P2RY12: variants seen among roughly 807,000 people sequenced by gnomAD.
P2RY12 encodes the protein purinergic receptor P2Y12.
A neutral mutation model predicts 4.5 loss-of-function variants in P2RY12; 3 were observed. The ratio of observed to expected loss-of-function variants is 0.67; its 90% CI spans 0.31 to 1.74. The LOEUF (loss-of-function observed/expected upper bound fraction) is 1.74, where lower values mean the gene tolerates loss of function less well. Ranked by LOEUF, P2RY12 falls within the 40% of genes most tolerant of loss-of-function variation. The pLI is 0.09. For synonymous variants in P2RY12, 148 were observed against 154.1 expected, an observed-to-expected ratio of 0.96 and a Z score of 0.29; for missense variants, 356 against 407.8, an observed-to-expected ratio of 0.87 and a Z score of 1.09.
In P2RY12 at chr3:151,369,384, A is replaced by G. The variant is rs1325584925; in HGVS notation, c.-180+15308T>C. 6 of 1,269,858 alleles carry G rather than the reference A, an allele frequency of 4.7e-6. No individual in the cohort carries two copies. The Admixed American group carries it at 8.2e-5, about 17-fold the overall frequency. The allele number at this position is 1,269,858 out of a possible 1,614,324, so 78.7% of individuals were successfully genotyped here. ...GGCTGACTGCCTGTAAATAATTACA[A>G]AACATTACTAATGATGGTAATGAGA... On this transcript the variant is annotated intron_variant, in intron 1 of 2. Coordinates refer to ENST00000302632, the MANE Select transcript of P2RY12 (RefSeq NM_022788.5).
chr3:151,364,854 C>A, intron 1 of P2RY12: 1 of 683,264 alleles, frequency 1.5e-6, no homozygotes, highest in Non-Finnish European at 2.6e-6. Context: ...ATTAAGAACT[C>A]ATAATGTGAA....
chr3:151,383,850 G>T (rs1317492970), intron 1 of P2RY12: 1 of 1,613,990 alleles, frequency 6.2e-7, no homozygotes, highest in Non-Finnish European at 8.5e-7. Context: ...TACTCCTTCA[G>T]ATCATTACTT....
intron 1 of P2RY12, chr3:151,377,121 G>GTAT: frequency 6.2e-7 from 1 of 1,614,022 alleles, no homozygotes; most frequent in South Asian, 1.1e-5. Flanking sequence ...AACCCAAACA[G>GTAT]TATTGGAAGT....
chr3:151,344,851 G>A (rs528657068), intron 1 of P2RY12, among the ~76,000 whole-genome samples: 40 of 152,242 alleles, frequency 2.6e-4, no homozygotes, highest in South Asian at 6.2e-4. Context: ...ATGTGAGTAA[G>A]GTGAAAGGAT....
At chr3:151,361,232 T>C (rs55751359) in intron 1 of P2RY12, among the ~76,000 whole-genome samples, 16,946 of 152,208 alleles carry the variant, frequency 0.11, 1,242 homozygotes, top group Middle Eastern at 0.17. Context: ...TGTTTACTTT[T>C]CCTCTTTTTT....
At chr3:151,364,546 A>G (rs1359831396) in intron 1 of P2RY12, among the ~76,000 whole-genome samples, 2 of 152,266 alleles carry the variant, frequency 1.3e-5, no homozygotes, top group East Asian at 3.9e-4. Flanking sequence ...CGTACACTAT[A>G]CCAGAGAAAT....
chr3:151,368,694 C>CATTTT (rs1755739027), intron 1 of P2RY12, among the ~76,000 whole-genome samples: 1 of 38,714 alleles, frequency 2.6e-5, no homozygotes, highest in Non-Finnish European at 4.8e-5. Flanking sequence ...CATTTTATTT[C>CATTTT]ATTTCATTTC....
chr3:151,348,792 C>T (rs1180191799), intron 1 of P2RY12, among the ~76,000 whole-genome samples: 1 of 152,160 alleles, frequency 6.6e-6, no homozygotes, highest in East Asian at 1.9e-4. Flanking sequence ...GAGAGAAAAA[C>T]AGGCGCTTAG....
At chr3:151,357,192 C>T (rs779322353) in intron 1 of P2RY12, 45 of 1,556,972 alleles carry the variant, frequency 2.9e-5, no homozygotes, top group Non-Finnish European at 3.8e-5. Flanking sequence ...CATGTTTATT[C>T]AGTCTTTTCT....
At chr3:151,358,922 T>C (rs530550440) in intron 1 of P2RY12, among the ~76,000 whole-genome samples, 2 of 152,320 alleles carry the variant, frequency 1.3e-5, no homozygotes, top group African/African-American at 4.8e-5. Flanking sequence ...GCTTTATAGA[T>C]AATATCAGGA....
chr3:151,340,250 C>T (rs1371250354), intron 2 of P2RY12, among the ~76,000 whole-genome samples: 1 of 152,152 alleles, frequency 6.6e-6, no homozygotes, highest in Non-Finnish European at 1.5e-5. Context: ...AGTGAATATA[C>T]ATTTTGTGTA....
chr3:151,347,770 C>T (rs773927278), intron 1 of P2RY12, among the ~76,000 whole-genome samples: 16 of 152,130 alleles, frequency 1.1e-4, no homozygotes, highest in Non-Finnish European at 1.6e-4. Flanking sequence ...GCATTTTACA[C>T]GCTTTATCCC....
chr3:151,368,208 T>C lies in P2RY12; in HGVS notation c.-180+16484A>G. On this transcript the variant is annotated intron_variant, in intron 1 of 2. Transcript: ENST00000302632. ...GAATGACATGCCGACTCTTGCTTCA[T>C]CTCTTCCGAGCTCCCCAGGCCTGCT... The C allele has an allele frequency of 4.3e-6, 7 of 1,614,102 alleles. No individual in the cohort carries two copies. Among genetic ancestry groups the C allele is most frequent in the Non-Finnish European group, 5.9e-6 (7 of 1,179,974 alleles).
intron 1 of P2RY12, chr3:151,376,342 T>C: frequency 1.3e-6 from 1 of 745,808 alleles, no homozygotes; most frequent in Non-Finnish European, 2.0e-6. Context: ...TCCCACACAT[T>C]TTCTGTGGAA....
chr3:151,371,135 T>C (rs926763104), intron 1 of P2RY12, among the ~76,000 whole-genome samples: 2 of 152,206 alleles, frequency 1.3e-5, no homozygotes, highest in African/African-American at 4.8e-5. Context: ...TACTGTTTTT[T>C]CTCTTTCTTT....
chr3:151,365,809 T>C (rs1009014359), intron 1 of P2RY12: 15 of 1,529,054 alleles, frequency 9.8e-6, no homozygotes, highest in Non-Finnish European at 1.2e-5. Context: ...TATTTCTCTT[T>C]TGTACAAGGT....
At chr3:151,381,598 A>G (rs1712358404) in intron 1 of P2RY12, among the ~76,000 whole-genome samples, 2 of 152,096 alleles carry the variant, frequency 1.3e-5, no homozygotes, top group South Asian at 4.1e-4. Flanking sequence ...TGCTCCCTTC[A>G]TTCAGTTCTC....
intron 1 of P2RY12, among the ~76,000 whole-genome samples, chr3:151,369,962 T>A (rs369130191): frequency 1.3e-5 from 2 of 152,170 alleles, no homozygotes; most frequent in Non-Finnish European, 2.9e-5. Flanking sequence ...AATCTGAGTC[T>A]TAATCTTAGT....
chr3:151,357,176 C>G, intron 1 of P2RY12: 1 of 1,506,166 alleles, frequency 6.6e-7, no homozygotes, highest in African/African-American at 1.4e-5. Context: ...TTTGTTTTGG[C>G]ACCTACATGT....
Sources: gnomAD v4.1 joint callset for allele counts (sites outside exome capture counted in the v4.1 genomes callset) on GRCh38, gnomAD v4.1.1 for gene constraint, MANE v1.5 for transcripts, NCBI Gene and HGNC (gene_info 2026-07-23, HGNC 2026-07-21) for gene names.